The following BRAT1 variants were observed in gnomAD, a reference collection of about 807,000 sequenced individuals.
The protein encoded by BRAT1 is BRCA1 associated ATM activator 1, also known as integrator complex assembly factor BRAT1.
In BRAT1, 74 loss-of-function variants were observed where a neutral mutation model predicts 70.6. That is an observed-to-expected ratio of 1.05 (90% CI 0.87 to 1.27). The LOEUF is 1.27. Ranked by LOEUF, BRAT1 falls within the 50% of genes most tolerant of loss-of-function variation. The probability of loss-of-function intolerance (pLI) is 0.00; values close to 1 mark genes in which losing one functional copy is unlikely to be tolerated. For synonymous variants in BRAT1, 615 were observed against 517.1 expected (o/e 1.19, Z -2.57); for missense variants, 1,203 against 1,098.2 (o/e 1.10, Z -1.35).
chr7:2,537,911 C>G lies in BRAT1; in HGVS notation c.*158G>C, dbSNP rs1778805285. On this transcript the variant is annotated 3_prime_UTR_variant, in exon 14 of 14. Coordinates refer to ENST00000340611, the MANE Select transcript of BRAT1 (RefSeq NM_152743.4). Reference sequence around the variant, plus strand: ...GAAATAAGTCATTTCTTTAATACATCAAACTGTGGGATTTCTTGACCTTGC... The same window carrying G: ...GAAATAAGTCATTTCTTTAATACATGAAACTGTGGGATTTCTTGACCTTGC... The G allele has an allele frequency of 1.6e-6, 2 of 1,235,332 alleles. No individual in the cohort carries two copies. Among genetic ancestry groups the G allele is most frequent in the Non-Finnish European group, 2.1e-6 (2 of 948,540 alleles). 76.5% of individuals were successfully genotyped at this position (1,235,332 alleles called of 1,614,324 possible).
At chr7:2,544,206 T>TTTTTG in intron 4 of BRAT1, 1 of 368,078 alleles carries the variant, frequency 2.7e-6, no homozygotes, top group Admixed American at 4.6e-5. Context: ...TGTTGTTTTT[T>TTTTTG]TTTTTTTTTT....
chr7:2,548,022 T>G (rs1408738860), intron 2 of BRAT1, among the ~76,000 whole-genome samples: 1 of 147,164 alleles, frequency 6.8e-6, no homozygotes, highest in Non-Finnish European at 1.5e-5. Flanking sequence ...AGGCAGAGGC[T>G]GCAGTGAGCC....
In BRAT1 at chr7:2,554,251, A is replaced by G. The variant is rs1344111279; in HGVS notation, c.127+54T>C. The G allele has an allele frequency of 3.8e-6, 6 of 1,599,662 alleles. No homozygotes were observed. The African/African-American group carries it at 6.7e-5, about 18-fold the overall frequency. ...CCATCTGGCCCCTGCTCCCTGTCCC[A>G]GCCTCTGCGTCTGGTCTCTGGATAG... On this transcript the variant is annotated intron_variant, in intron 2 of 13. Transcript: ENST00000340611.
rs909238271 is a variant in BRAT1, at chr7:2,543,192, C to T, written c.923+12G>A. ...GCACCCGCCTCGGAATGAAATGCAC[C>T]CCAGACCATACCAGTGCTCGAGCTT... On this transcript the variant is annotated intron_variant, in intron 6 of 13. Coordinates refer to ENST00000340611, the MANE Select transcript of BRAT1 (RefSeq NM_152743.4). The surrounding 1 kb of genome is among the most constrained non-coding windows in gnomAD (Gnocchi z 5.5). 6 of 1,593,932 alleles carry T rather than the reference C, an allele frequency of 3.8e-6. No homozygotes were observed. Among genetic ancestry groups the T allele is most frequent in the African/African-American group, 2.7e-5 (2 of 73,880 alleles).
At position 2,539,812 on chromosome 7, in the gene BRAT1, C is replaced by G. The variant is rs762040027; in HGVS notation, c.1472G>C (p.Gly491Ala). Residue 491 changes from glycine (G) to alanine (A), a missense_variant, in exon 11 of 14, where the codon GGC becomes GCC. Coordinates refer to ENST00000340611, the MANE Select transcript of BRAT1 (RefSeq NM_152743.4). ...SPKTPGCSDLGPLIPQFLREL... is the reference protein window; with the variant it reads ...SPKTPGCSDLAPLIPQFLREL... ...TCTGAGGAACTGCGGGATGAGGGGG[C>G]CGAGATCAGAGCAGCCGGGGGTCTT... The G allele has an allele frequency of 7.4e-6, 12 of 1,611,746 alleles. No individual in the cohort carries two copies. The Admixed American group carries it at 2.0e-4, about 27-fold the overall frequency.
rs71550356 is a variant in BRAT1, at chr7:2,545,496, CTT to C, written c.283-442_283-441del. On this transcript the variant is annotated intron_variant, in intron 3 of 13. Coordinates refer to ENST00000340611, the MANE Select transcript of BRAT1 (RefSeq NM_152743.4). ...TACTTCTGGAGGACACTTTCTTCTT[CTT>C]TTTTTTTTTTTTGAGACAGTCCCAC... Among the ~76,000 whole-genome samples the C allele has an allele frequency of 1.8e-4, 24 of 129,984 alleles. 1 individual carries two copies. Among genetic ancestry groups the C allele is most frequent in the African/African-American group, 5.3e-4 (18 of 33,656 alleles). The allele number at this position is 129,984 out of a possible 152,430, so 85.3% of individuals were successfully genotyped here. A position where few individuals can be genotyped will look rare whatever the true frequency, so the allele number is the denominator to read the frequency against.
Position 2,545,004 on chromosome 7 carries a change from G to A in BRAT1, c.335C>T (p.Ala112Val). The A allele has an allele frequency of 1.9e-6, 3 of 1,553,604 alleles. No homozygotes were observed. The highest frequency in any genetic ancestry group is 8.7e-7 in the Non-Finnish European group (1 of 1,148,174). The change falls in exon 4 of 14, where the codon GCA becomes GTA. Residue 112 changes from alanine to valine, a missense_variant. Transcript: ENST00000340611. ...GCGCACGGTGGGGACGGCCCAGGTT[G>A]CTCGGCCGAGGGGTCCTGGCTCCCC... ...LFGEPGPLGRATWAVPTVRSG... is the reference protein window; with the variant it reads ...LFGEPGPLGRVTWAVPTVRSG...
At position 2,554,328 on chromosome 7, in the gene BRAT1, C is replaced by A. The variant is rs759064339; in HGVS notation, c.104G>T (p.Trp35Leu). 1.3e-5 allele frequency: 21 copies of A among 1,613,770 alleles called. No individual in the cohort carries two copies. The highest frequency in any genetic ancestry group is 1.8e-5 in the Non-Finnish European group (21 of 1,179,828). ...DDTCLEKLLD[W>L]FKTVTEGESS... is the part of the protein sequence containing the mutation. ...ACCTCCTTCAGTGACCGTTTTAAAC[C>A]AGTCCAGGAGCTTCTCCAAACAGGT... The change falls in exon 2 of 14, where the codon TGG becomes TTG. Residue 35 changes from tryptophan to leucine, a missense_variant. Coordinates refer to ENST00000340611, the MANE Select transcript of BRAT1 (RefSeq NM_152743.4).
At chr7:2,545,990 G>A (rs896945843) in intron 3 of BRAT1, among the ~76,000 whole-genome samples, 1 of 152,344 alleles carries the variant, frequency 6.6e-6, no homozygotes, top group African/African-American at 2.4e-5. Flanking sequence ...ACAACCTGGC[G>A]AGGGCCTGTG....
At chr7:2,540,837 G>A (rs779147007) in intron 10 of BRAT1, 142 bp downstream of exon 10, 395 of 892,446 alleles carry the variant, frequency 4.4e-4, no homozygotes, top group Non-Finnish European at 5.6e-4. Flanking sequence ...CACCTGCATC[G>A]TGAAGCTCTC....
At position 2,538,703 on chromosome 7, in the gene BRAT1, G is replaced by A. The variant is rs930716310; in HGVS notation, c.1832C>T (p.Ala611Val). The part of the protein sequence containing the change: ...SVDSEGFPRR[A>V]VMQVFTEWLR... ...CCACTCAGTGAAGACTTGCATGACC[G>A]CCCGCCGTGGGAAGCCCTCCGAGTC... Residue 611 changes from alanine to valine, a missense_variant, in exon 14 of 14, where the codon GCG (alanine) becomes GTG (valine). By Grantham distance (64) the Ala-to-Val change is moderately conservative. Transcript: ENST00000340611. 25 of 1,598,238 alleles carry A rather than the reference G, an allele frequency of 1.6e-5. No individual in the cohort carries two copies. Among genetic ancestry groups the A allele is most frequent in the African/African-American group, 2.7e-5 (2 of 74,946 alleles).
intron 13 of BRAT1, 137 bp from the exon 14 acceptor site, chr7:2,538,901 G>A: frequency 2.0e-6 from 3 of 1,480,400 alleles, no homozygotes; most frequent in Non-Finnish European, 2.7e-6. Flanking sequence ...ACCTTCCCAT[G>A]CTGCGCAGTG....
At chr7:2,552,093 TATATATA>T (rs1780058969) in intron 2 of BRAT1, among the ~76,000 whole-genome samples, 10 of 18,462 alleles carry the variant, frequency 5.4e-4, no homozygotes, top group Non-Finnish European at 8.0e-4. Context: ...TATATATATA[TATATATA>T]TATATATTTT....
Position 2,541,724 on chromosome 7 carries a change from C to T in BRAT1, c.1128G>A (p.Gln376=). 2 of 1,607,760 alleles carry T rather than the reference C, an allele frequency of 1.2e-6. No homozygotes were observed. The highest frequency in any genetic ancestry group is 2.2e-5 in the East Asian group (1 of 44,710). Residue 376 remains glutamine, a synonymous_variant, in exon 8 of 14, where the codon CAG becomes CAA. Transcript: ENST00000340611. The stretch of plus-strand genomic sequence containing the variant: ...AGGACCGGGCCGCACCTACCAGCGG[C>T]TGCAGCTCCTCCAGGTGAGCCAGGG... ...CRTLAHLEEL[Q]PLPQRPSPWP...
At position 2,538,194 on chromosome 7, in the gene BRAT1, G is replaced by C. The variant is rs2128382998; in HGVS notation, c.2341C>G (p.Leu781Val). The part of the protein sequence containing the change: ...AVLAMLRSLD[L>V]EGLRSTLAES... The stretch of plus-strand genomic sequence containing the variant: ...GCCAGCGTGCTCCGCAGGCCCTCCA[G>C]GTCTAGGGACCTGAGCATGGCCAGC... The change falls in exon 14 of 14, where the codon CTG becomes GTG. Residue 781 changes from leucine to valine, a missense_variant. Transcript: ENST00000340611. 1.2e-6 allele frequency: 2 copies of C among 1,609,986 alleles called. No individual in the cohort carries two copies. Among genetic ancestry groups the C allele is most frequent in the Non-Finnish European group, 1.7e-6 (2 of 1,178,212 alleles).
At position 2,547,372 on chromosome 7, in the gene BRAT1, G is replaced by A; in HGVS notation, c.234C>T (p.Arg78=). Residue 78 remains arginine, a synonymous_variant, in exon 3 of 14, where the codon CGC becomes CGT. Transcript: ENST00000340611. ...LSSGVLSFSL[R]LAGTFAAQEN... is the part of the protein sequence containing the mutation. ...CCTGGGCTGCGAAGGTTCCTGCCAGGCGCAGTGAGAAGGAGAGGACCCCAG... is the reference window on the plus strand; with the variant it reads ...CCTGGGCTGCGAAGGTTCCTGCCAGACGCAGTGAGAAGGAGAGGACCCCAG... The A allele has an allele frequency of 1.2e-6, 2 of 1,614,116 alleles. No homozygotes were observed. Among genetic ancestry groups the A allele is most frequent in the Non-Finnish European group, 1.7e-6 (2 of 1,180,022 alleles).
Position 2,554,350 on chromosome 7 carries a change from A to G in BRAT1, c.82T>C (p.Cys28Arg). The change falls in exon 2 of 14, where the codon TGT (cysteine) becomes CGT (arginine). Residue 28 changes from cysteine (C) to arginine (R), a missense_variant. By Grantham distance (180) the Cys-to-Arg change is radical (BLOSUM62 -3). Transcript: ENST00000340611. ...AACCAGTCCAGGAGCTTCTCCAAAC[A>G]GGTGTCATCTGCCACCGGCTGCCTG... is the stretch of plus-strand genomic sequence containing the variant. The part of the protein sequence containing the change: ...DPRQPVADDT[C>R]LEKLLDWFKT... The G allele has an allele frequency of 6.2e-7, 1 of 1,614,064 alleles. No individual in the cohort carries two copies. The highest frequency in any genetic ancestry group is 8.5e-7 in the Non-Finnish European group (1 of 1,179,942).
intron 10 of BRAT1, chr7:2,540,240 A>AT (rs1385026247): frequency 1.9e-5 from 4 of 212,976 alleles, no homozygotes; most frequent in East Asian, 1.1e-4. Context: ...TAATTTTTCT[A>AT]TTTTTTTGTA....
chr7:2,543,433 G>C lies in BRAT1; in HGVS notation c.804-110C>G. ...CACTGGAGGCGCCCAGCCCAAGACA[G>C]GCCTTTCCCCATGAGGGTTCCAGGG... On this transcript the variant is annotated intron_variant, in intron 5 of 13. Coordinates refer to ENST00000340611, the MANE Select transcript of BRAT1 (RefSeq NM_152743.4). The surrounding 1 kb of genome is among the most constrained non-coding windows in gnomAD (Gnocchi z 5.5). 1 of 1,484,512 alleles carries C rather than the reference G, an allele frequency of 6.7e-7. No individual in the cohort carries two copies. The highest frequency in any genetic ancestry group is 8.9e-7 in the Non-Finnish European group (1 of 1,119,928). 92.0% of individuals were successfully genotyped at this position (1,484,512 alleles called of 1,614,324 possible). A position where few individuals can be genotyped will look rare whatever the true frequency, so the allele number is the denominator to read the frequency against.
Sources: gnomAD v4.1 joint callset for allele counts (sites outside exome capture counted in the v4.1 genomes callset) on GRCh38, gnomAD v4.1.1 for gene constraint, Gnocchi (gnomAD v3.1) non-coding constraint, MANE v1.5 for transcripts, NCBI Gene and HGNC (gene_info 2026-07-23, HGNC 2026-07-21) for gene names.